SLC38A9: variants seen among roughly 807,000 people sequenced by gnomAD.
SLC38A9 encodes the protein neutral amino acid transporter 9.
A neutral mutation model predicts 62.3 loss-of-function variants in SLC38A9; 48 were observed. The ratio of observed to expected loss-of-function variants is 0.77; its 90% confidence interval spans 0.61 to 0.98. The LOEUF (loss-of-function observed/expected upper bound fraction) is 0.98. Among genes scored for constraint, SLC38A9 ranks in the 50% least tolerant of loss-of-function variants. SLC38A9 has a pLI of 0.00. For synonymous variants in SLC38A9, 204 were observed against 227.7 expected (o/e 0.90, Z 0.94); for missense variants, 541 against 679.8 (o/e 0.80, Z 2.27).
chr5:55,687,382 G>GCGCCA (rs1021852578), intron 3 of SLC38A9, among the ~76,000 whole-genome samples: 8 of 131,092 alleles, frequency 6.1e-5, no homozygotes, highest in Non-Finnish European at 1.1e-4. Context: ...AGCGGAGATC[G>GCGCCA]CGCCACAGCA....
intron 10 of SLC38A9, among the ~76,000 whole-genome samples, chr5:55,649,747 G>A (rs1580160620): frequency 6.6e-6 from 1 of 152,186 alleles, no homozygotes; most frequent in Middle Eastern, 3.4e-3. Flanking sequence ...ACTTGAATTC[G>A]GGAAGCAGAG....
At chr5:55,650,559 G>A (rs1172210673) in intron 10 of SLC38A9, among the ~76,000 whole-genome samples, 9 of 152,110 alleles carry the variant, frequency 5.9e-5, no homozygotes, top group Admixed American at 3.9e-4. Flanking sequence ...AGGAAACCAC[G>A]AATGAGCGAT....
At position 55,625,896 on chromosome 5, in the gene SLC38A9, T is replaced by C. The variant is rs1742358943; in HGVS notation, c.*598A>G. ...TATTTATTTTGTATACATTTCATGA[T>C]CCTGGGGATTACATTGACATTACTT... On this transcript the variant is annotated 3_prime_UTR_variant, in exon 16 of 16. Coordinates refer to ENST00000396865, the MANE Select transcript of SLC38A9 (RefSeq NM_173514.4). 6.6e-6 allele frequency: 1 copy of C among 152,598 alleles called. No homozygotes were observed. Among genetic ancestry groups the C allele is most frequent in the African/African-American group, 2.4e-5 (1 of 41,432 alleles). 9.5% of individuals were successfully genotyped at this position (152,598 alleles called of 1,614,324 possible).
intron 12 of SLC38A9, among the ~76,000 whole-genome samples, chr5:55,636,167 T>C (rs560155947): frequency 6.6e-6 from 1 of 152,196 alleles, no homozygotes; most frequent in East Asian, 1.9e-4. Flanking sequence ...AGAAAGCTAG[T>C]TAAAGAACAG....
chr5:55,657,981 TA>T (rs1254723227), intron 8 of SLC38A9: 1 of 152,196 alleles, frequency 6.6e-6, no homozygotes, highest in Non-Finnish European at 1.5e-5. Context: ...GTAAGGCTAG[TA>T]AAATCTTGAC....
chr5:55,690,852 G>A (rs555167909), intron 3 of SLC38A9, among the ~76,000 whole-genome samples: 2 of 152,178 alleles, frequency 1.3e-5, no homozygotes, highest in Middle Eastern at 3.2e-3. Flanking sequence ...AAACTTGTTA[G>A]ACTGCGACCT....
In SLC38A9 at chr5:55,666,992, G is replaced by A. The variant is rs1750582197; in HGVS notation, c.527-2129C>T. Among the ~76,000 whole-genome samples the A allele has an allele frequency of 2.0e-5, 3 of 150,122 alleles. No individual in the cohort carries two copies. The South Asian group carries it at 6.3e-4, about 32-fold the overall frequency. ...ATCGCGCCACTGCACTCCAGCCTGG[G>A]TGACAGAGTGAGACTCCGTCTCAAA... On this transcript the variant is annotated intron_variant, in intron 7 of 15. Coordinates refer to ENST00000396865, the MANE Select transcript of SLC38A9 (RefSeq NM_173514.4).
rs1750690199 is a variant in SLC38A9 at position 55,667,640 on chromosome 5, C to A, written c.526+1588G>T. Among the ~76,000 whole-genome samples, 3 of 152,012 alleles carry A rather than the reference C, an allele frequency of 2.0e-5. No individual in the cohort carries two copies. The South Asian group carries it at 6.2e-4, about 32-fold the overall frequency. On this transcript the variant is annotated intron_variant, in intron 7 of 15. Transcript: ENST00000396865. Reference sequence around the variant, plus strand: ...AAATTTTACGTTTCTATATTATTTTCTTTCTTTTTGGTAGTGTCAGGCTTT... The same window carrying A: ...AAATTTTACGTTTCTATATTATTTTATTTCTTTTTGGTAGTGTCAGGCTTT...
intron 2 of SLC38A9, among the ~76,000 whole-genome samples, chr5:55,710,304 G>A (rs1757849552): frequency 6.6e-6 from 1 of 150,804 alleles, no homozygotes; most frequent in African/African-American, 2.4e-5. Context: ...CCGGGCTCAA[G>A]CAATTCTCCT....
intron 14 of SLC38A9, among the ~76,000 whole-genome samples, chr5:55,629,210 AATTATT>A (rs544396226): frequency 4.1e-4 from 62 of 151,310 alleles, no homozygotes; most frequent in Non-Finnish European, 6.8e-4. Context: ...AATTTTAATT[AATTATT>A]ATTATTTTTT....
intron 13 of SLC38A9, 162 bp from the exon 14 acceptor site, chr5:55,634,064 G>A: frequency 2.0e-6 from 1 of 489,306 alleles, no homozygotes. Flanking sequence ...TTTTCAATGA[G>A]GTAAGTATAG....
chr5:55,687,426 C>CAA (rs34476189), intron 3 of SLC38A9, among the ~76,000 whole-genome samples: 75 of 76,392 alleles, frequency 9.8e-4, no homozygotes, highest in East Asian at 2.2e-3. Context: ...GACTCCGTCT[C>CAA]AAAAAAAAAA....
chr5:55,636,086 T>A (rs926246319), intron 12 of SLC38A9, among the ~76,000 whole-genome samples: 3 of 152,206 alleles, frequency 2.0e-5, no homozygotes, highest in Non-Finnish European at 4.4e-5. Context: ...CTTTGGTAAA[T>A]TAACTTATAT....
chr5:55,687,065 G>GTTTTTTTTTTTTT (rs56912932), intron 3 of SLC38A9, among the ~76,000 whole-genome samples: 1 of 125,722 alleles, frequency 8.0e-6, no homozygotes, highest in African/African-American at 3.2e-5. Flanking sequence ...CTCCAGCTTT[G>GTTTTTTTTTTTTT]TTTTTTTTTT....
chr5:55,627,746 T>A lies in SLC38A9; in HGVS notation c.1520+145A>T, dbSNP rs1292204763. ...GGAAGATAATGAGCATCTTAACTGA[T>A]ACCAAGGGGCTGCATTTGAATATTA... On this transcript the variant is annotated intron_variant, in intron 15 of 15. Transcript: ENST00000396865. 6 of 538,336 alleles carry A rather than the reference T, an allele frequency of 1.1e-5. No homozygotes were observed. In the Admixed American group the frequency reaches 1.9e-4, roughly 17 times the overall value. 33.3% of individuals were successfully genotyped at this position (538,336 alleles called of 1,614,324 possible). A position where few individuals can be genotyped will look rare whatever the true frequency, so the allele number is the denominator to read the frequency against.
At chr5:55,649,098 T>C in intron 11 of SLC38A9, 109 bp downstream of exon 11, 1 of 546,390 alleles carries the variant, frequency 1.8e-6, no homozygotes. Context: ...CTTAATAGCA[T>C]TTATAAAAAT....
chr5:55,648,471 CTCA>C (rs1746788783), intron 11 of SLC38A9, among the ~76,000 whole-genome samples: 2 of 152,162 alleles, frequency 1.3e-5, no homozygotes, highest in South Asian at 4.1e-4. Context: ...CTCCAAACTT[CTCA>C]TCATTTTCAA....
intron 12 of SLC38A9, among the ~76,000 whole-genome samples, chr5:55,637,470 T>G (rs1311648226): frequency 2.0e-5 from 3 of 152,190 alleles, no homozygotes; most frequent in Non-Finnish European, 4.4e-5. Context: ...GAATTTCAAG[T>G]GGAAATAAAA....
chr5:55,666,672 C>T (rs1473801055), intron 7 of SLC38A9, among the ~76,000 whole-genome samples: 4 of 151,278 alleles, frequency 2.6e-5, no homozygotes, highest in Admixed American at 2.6e-4. Flanking sequence ...GCAGGTGGAT[C>T]AACTTGAGGT....
Sources: gnomAD v4.1 joint callset for allele counts (sites outside exome capture counted in the v4.1 genomes callset) on GRCh38, gnomAD v4.1.1 for gene constraint, MANE v1.5 for transcripts, NCBI Gene and HGNC (gene_info 2026-07-23, HGNC 2026-07-21) for gene names.